SAMHD1: variants seen among roughly 807,000 people sequenced by gnomAD.
SAMHD1 encodes the protein SAM and HD domain containing deoxynucleoside triphosphate triphosphohydrolase 1, also known as deoxynucleoside triphosphate triphosphohydrolase SAMHD1.
Under a neutral mutation model 79.6 loss-of-function variants are expected in SAMHD1, and 54 were observed. The ratio of observed to expected loss-of-function variants is 0.68; its 90% CI spans 0.55 to 0.85. SAMHD1 has a LOEUF of 0.85. SAMHD1 is among the 40% of genes least tolerant of loss of function. SAMHD1 has a pLI of 0.00. For synonymous variants in SAMHD1, 260 were observed against 264.1 expected, an observed-to-expected ratio of 0.98 and a Z score of 0.15; for missense variants, 663 against 782.7, an observed-to-expected ratio of 0.85 and a Z score of 1.82.
chr20:36,940,960 T>C lies in SAMHD1; in HGVS notation c.348+79A>G, dbSNP rs2063639653. The stretch of plus-strand genomic sequence containing the variant: ...TCACTGAGAAGCAGATTTCCTCCTA[T>C]TCTCTTCAAAATGAATTTTACATAA... On this transcript the variant is annotated intron_variant, in intron 3 of 15. Coordinates refer to ENST00000646673, the MANE Select transcript of SAMHD1 (RefSeq NM_015474.4). 6 of 1,092,240 alleles carry C rather than the reference T, an allele frequency of 5.5e-6. No homozygotes were observed. In the East Asian group the frequency reaches 1.2e-4, roughly 22 times the overall value. The allele number at this position is 1,092,240 out of a possible 1,614,324, so 67.7% of individuals were successfully genotyped here.
intron 2 of SAMHD1, among the ~76,000 whole-genome samples, chr20:36,945,316 T>G (rs1340192609): frequency 6.6e-6 from 1 of 152,212 alleles, no homozygotes; most frequent in East Asian, 1.9e-4. Context: ...GTACAGAAAC[T>G]GAAGGGTTAA....
At chr20:36,935,571 A>ATTT (rs35043095) in intron 3 of SAMHD1, among the ~76,000 whole-genome samples, 3 of 142,952 alleles carry the variant, frequency 2.1e-5, no homozygotes, top group Non-Finnish European at 3.1e-5. Context: ...ATTATGTCTA[A>ATTT]TTTTTTTTTT....
chr20:36,896,559 G>A (rs918448048), intron 15 of SAMHD1, among the ~76,000 whole-genome samples: 1 of 152,044 alleles, frequency 6.6e-6, no homozygotes, highest in African/African-American at 2.4e-5. Flanking sequence ...CTTTCTGGCT[G>A]GGCATGGTGG....
chr20:36,937,573 T>C (rs770463904), intron 3 of SAMHD1, among the ~76,000 whole-genome samples: 3 of 152,216 alleles, frequency 2.0e-5, no homozygotes, highest in Non-Finnish European at 2.9e-5. Context: ...TAAAAAGCAC[T>C]GTCTTGCATA....
In SAMHD1 at chr20:36,911,571, C is replaced by A. The variant is rs529903902; in HGVS notation, c.1155-238G>T. ...TCACCATCTTATTTATTCCTCCCAA[C>A]AATAAGGTAGGTGTATTCAGCCCTC... On this transcript the variant is annotated intron_variant, in intron 10 of 15. Coordinates refer to ENST00000646673, the MANE Select transcript of SAMHD1 (RefSeq NM_015474.4). 1.5e-5 allele frequency: 7 copies of A among 473,242 alleles called. 1 individual carries two copies. The East Asian group carries it at 1.6e-4, about 11-fold the overall frequency. The allele number at this position is 473,242 out of a possible 1,614,324, so 29.3% of individuals were successfully genotyped here.
At position 36,935,171 on chromosome 20, in the gene SAMHD1, G is replaced by A; in HGVS notation, c.367C>T (p.His123Tyr). The A allele has an allele frequency of 6.2e-7, 1 of 1,613,020 alleles. No homozygotes were observed. The highest frequency in any genetic ancestry group is 8.5e-7 in the Non-Finnish European group (1 of 1,179,018). ...AGAGGGTGGAGCTCAATGTGGCCATGGATAGGATCATTAATTACCTAGAAA... is the reference window on the plus strand; with the variant it reads ...AGAGGGTGGAGCTCAATGTGGCCATAGATAGGATCATTAATTACCTAGAAA... Reference protein sequence around the residue: ...DTMKVINDPIHGHIELHPLLV... With the variant: ...DTMKVINDPIYGHIELHPLLV... The change falls in exon 4 of 16, where the codon CAT becomes TAT. Residue 123 changes from histidine to tyrosine, a missense_variant. Transcript: ENST00000646673.
intron 7 of SAMHD1, among the ~76,000 whole-genome samples, chr20:36,918,839 A>T (rs935165547): frequency 6.6e-6 from 1 of 151,420 alleles, no homozygotes; most frequent in African/African-American, 2.4e-5. Context: ...GAAAGAAAGA[A>T]AAGAAAAGAA....
chr20:36,898,269 C>T (rs1190465095), intron 14 of SAMHD1, among the ~76,000 whole-genome samples, 171 bp downstream of exon 14: 11 of 152,258 alleles, frequency 7.2e-5, no homozygotes, highest in East Asian at 3.9e-4. Context: ...CTCAAGTGAT[C>T]GTCCTGCTTC....
At chr20:36,897,327 A>C (rs1990216883) in intron 15 of SAMHD1, among the ~76,000 whole-genome samples, 1 of 152,140 alleles carries the variant, frequency 6.6e-6, no homozygotes, top group African/African-American at 2.4e-5. Flanking sequence ...GGTCAGTAAG[A>C]GACAATTTTA....
chr20:36,935,302 A>T, intron 3 of SAMHD1, 113 bp from the exon 4 acceptor site: 2 of 847,314 alleles, frequency 2.4e-6, no homozygotes, highest in Non-Finnish European at 2.0e-6. Context: ...TTTTCAAGTA[A>T]AAATACTAAC....
chr20:36,902,581 GGTATCC>G (rs1242802322), intron 13 of SAMHD1, among the ~76,000 whole-genome samples: 1 of 152,110 alleles, frequency 6.6e-6, no homozygotes, highest in East Asian at 1.9e-4. Flanking sequence ...GTATAGTGAT[GGTATCC>G]AGGAGCATTT....
rs775082384 is a variant in SAMHD1, at chr20:36,892,878, C to A, written c.*54G>T. The A allele has an allele frequency of 6.2e-7, 1 of 1,603,878 alleles. No individual in the cohort carries two copies. Among genetic ancestry groups the A allele is most frequent in the Non-Finnish European group, 8.5e-7 (1 of 1,170,948 alleles). On this transcript the variant is annotated 3_prime_UTR_variant, in exon 16 of 16. Transcript: ENST00000646673. The stretch of plus-strand genomic sequence containing the variant: ...AATTTGCAGAATTCTATGATTGAAG[C>A]CTCTAAATGAATTGTGCAGGAGAGG...
intron 15 of SAMHD1, chr20:36,893,817 T>G (rs928914007): frequency 1.3e-5 from 5 of 398,396 alleles, no homozygotes; most frequent in African/African-American, 1.0e-4. Flanking sequence ...CATTCTTCAC[T>G]CTTCCTCTCC....
intron 1 of SAMHD1, among the ~76,000 whole-genome samples, chr20:36,947,310 G>GGTGTGTGTGTGTGTGTGTGT (rs35061251): frequency 1.2e-5 from 1 of 85,092 alleles, no homozygotes; most frequent in Non-Finnish European, 2.3e-5. Context: ...ATTTGGAAGA[G>GGTGTGTGTGTGTGTGTGTGT]GTGTGTGTGT....
At chr20:36,921,177 G>A (rs890862889) in intron 6 of SAMHD1, among the ~76,000 whole-genome samples, 4 of 151,918 alleles carry the variant, frequency 2.6e-5, no homozygotes, top group African/African-American at 4.8e-5. Flanking sequence ...GGCAGATCAC[G>A]AGGTCAGGAG....
Position 36,916,931 on chromosome 20 carries a change from G to T in SAMHD1, c.953+18C>A. 1 of 1,593,520 alleles carries T rather than the reference G, an allele frequency of 6.3e-7. No individual in the cohort carries two copies. On this transcript the variant is annotated intron_variant, in intron 8 of 15. Coordinates refer to ENST00000646673, the MANE Select transcript of SAMHD1 (RefSeq NM_015474.4). Reference sequence around the variant, plus strand: ...TATAAATATTTTAGCCAACTTTTCAGAAGTGTTCAGTGCATACCTGGCAAA... The same window carrying T: ...TATAAATATTTTAGCCAACTTTTCATAAGTGTTCAGTGCATACCTGGCAAA...
intron 6 of SAMHD1, among the ~76,000 whole-genome samples, chr20:36,924,455 G>A (rs2063525160): frequency 6.6e-6 from 1 of 152,116 alleles, no homozygotes; most frequent in Non-Finnish European, 1.5e-5. Flanking sequence ...TAAATCAGGA[G>A]GAGGAGGTGA....
intron 2 of SAMHD1, among the ~76,000 whole-genome samples, chr20:36,946,231 T>C (rs1388859607): frequency 6.6e-6 from 1 of 151,728 alleles, no homozygotes; most frequent in Non-Finnish European, 1.5e-5. Flanking sequence ...GCTAACATGG[T>C]GAAACCCTGT....
chr20:36,951,111 C>A (rs2063730251), intron 1 of SAMHD1, among the ~76,000 whole-genome samples: 1 of 152,244 alleles, frequency 6.6e-6, no homozygotes, highest in Admixed American at 6.5e-5. Flanking sequence ...ACTGCCCCTC[C>A]CAGGTCCTCA....
Sources: gnomAD v4.1 joint callset for allele counts (sites outside exome capture counted in the v4.1 genomes callset) on GRCh38, gnomAD v4.1.1 for gene constraint, MANE v1.5 for transcripts, NCBI Gene and HGNC (gene_info 2026-07-23, HGNC 2026-07-21) for gene names.